Variants in LCLAT1 observed in about 807,000 individuals in gnomAD.
The protein encoded by LCLAT1 is 1-AGP acyltransferase 8.
In LCLAT1, 11 loss-of-function variants were observed where a neutral mutation model predicts 30.7. The ratio of observed to expected loss-of-function variants is 0.36; its 90% CI spans 0.23 to 0.59. The LOEUF is 0.59. Among genes scored for constraint, LCLAT1 ranks in the 20% least tolerant of loss-of-function variants. The pLI is 0.77. For missense variants in LCLAT1, 402 were observed against 458.6 expected, an observed-to-expected ratio of 0.88 and a Z score of 1.13; for synonymous variants, 155 against 151.3, an observed-to-expected ratio of 1.02 and a Z score of -0.18.
chr2:30,528,901 G>A (rs932829895), intron 2 of LCLAT1, among the ~76,000 whole-genome samples: 1 of 152,142 alleles, frequency 6.6e-6, no homozygotes, highest in Admixed American at 6.5e-5. Context: ...CAGAAAAATT[G>A]ATATTCTAGT....
chr2:30,543,898 A>C (rs958147889), intron 3 of LCLAT1, among the ~76,000 whole-genome samples: 3 of 151,624 alleles, frequency 2.0e-5, no homozygotes, highest in African/African-American at 7.3e-5. Flanking sequence ...ACTGATTTCT[A>C]TTCTTATCTT....
rs895045483 is a variant in LCLAT1, at chr2:30,540,633, G to C, written c.364+7319G>C. Among the ~76,000 whole-genome samples the C allele has an allele frequency of 6.6e-5, 10 of 151,564 alleles. No homozygotes were observed. The South Asian group carries it at 2.1e-3, about 32-fold the overall frequency. ...ACTTAGATAAAGAAGATATTTCAAT[G>C]TAGGTTTATATTTATTTTTCTTTCT... On this transcript the variant is annotated intron_variant, in intron 3 of 5. Coordinates refer to ENST00000379509, the MANE Select transcript of LCLAT1 (RefSeq NM_001002257.3).
intron 5 of LCLAT1, among the ~76,000 whole-genome samples, chr2:30,621,139 C>G (rs1668227751): frequency 6.6e-6 from 1 of 152,108 alleles, no homozygotes. Flanking sequence ...CTTATTTACC[C>G]CTCATGTATT....
chr2:30,624,964 T>C (rs939184238), intron 5 of LCLAT1, among the ~76,000 whole-genome samples: 1 of 152,144 alleles, frequency 6.6e-6, no homozygotes, highest in Non-Finnish European at 1.5e-5. Flanking sequence ...AAAGGAACCC[T>C]TAAAACCATG....
At chr2:30,470,276 T>C (rs926322359) in intron 1 of LCLAT1, among the ~76,000 whole-genome samples, 1 of 152,184 alleles carries the variant, frequency 6.6e-6, no homozygotes, top group Non-Finnish European at 1.5e-5. Context: ...ACAAGTCTTA[T>C]GACCACTGGC....
chr2:30,495,637 A>G (rs1352678455), intron 1 of LCLAT1, among the ~76,000 whole-genome samples: 1 of 152,126 alleles, frequency 6.6e-6, no homozygotes, highest in African/African-American at 2.4e-5. Context: ...GAGAACCACC[A>G]ATGGAGCCTC....
chr2:30,449,410 A>G (rs1036664655), intron 1 of LCLAT1, among the ~76,000 whole-genome samples: 4 of 152,124 alleles, frequency 2.6e-5, no homozygotes, highest in East Asian at 1.9e-4. Flanking sequence ...TGTGGTAACA[A>G]TTACATTTAC....
At chr2:30,553,688 G>A (rs1417084220) in intron 3 of LCLAT1, among the ~76,000 whole-genome samples, 2 of 151,974 alleles carry the variant, frequency 1.3e-5, no homozygotes, top group Non-Finnish European at 2.9e-5. Flanking sequence ...GGTGGTGGGC[G>A]CCTGTAGTCC....
intron 3 of LCLAT1, among the ~76,000 whole-genome samples, chr2:30,546,660 T>G (rs1157258415): frequency 6.6e-6 from 1 of 152,160 alleles, no homozygotes; most frequent in Non-Finnish European, 1.5e-5. Flanking sequence ...CACCTTAATT[T>G]TATTTACTAT....
At chr2:30,507,871 T>C (rs1280467060) in intron 1 of LCLAT1, among the ~76,000 whole-genome samples, 1 of 152,226 alleles carries the variant, frequency 6.6e-6, no homozygotes. Context: ...ATTGCCACAC[T>C]GTTTAACACA....
intron 3 of LCLAT1, among the ~76,000 whole-genome samples, chr2:30,542,622 T>G (rs1664195653): frequency 6.6e-6 from 1 of 152,158 alleles, no homozygotes; most frequent in Non-Finnish European, 1.5e-5. Flanking sequence ...GTTTGGTAAT[T>G]TCTTCAAAAA....
chr2:30,591,524 A>G (rs1425827378), intron 5 of LCLAT1, among the ~76,000 whole-genome samples: 1 of 152,184 alleles, frequency 6.6e-6, no homozygotes, highest in Non-Finnish European at 1.5e-5. Context: ...ACAAAGTAGT[A>G]TGTTTAATTT....
At chr2:30,493,071 C>T (rs1419431092) in intron 1 of LCLAT1, among the ~76,000 whole-genome samples, 1 of 152,098 alleles carries the variant, frequency 6.6e-6, no homozygotes, top group Non-Finnish European at 1.5e-5. Context: ...CACCTCCCTC[C>T]CAGGGGTGGT....
In LCLAT1 at chr2:30,631,658, T is replaced by C. The variant is rs561386375; in HGVS notation, c.629-8459T>C. Among the ~76,000 whole-genome samples, 54 of 152,348 alleles carry C rather than the reference T, an allele frequency of 3.5e-4. 2 individuals are homozygous for C. The South Asian group carries it at 0.01, about 29-fold the overall frequency. On this transcript the variant is annotated intron_variant, in intron 5 of 5. Transcript: ENST00000379509. ...ACTTTTCCTTTTATTTTTAATGCAT[T>C]ATGTGAAAAATATTCCTTGCAAATT...
chr2:30,468,097 G>C (rs192177396), intron 1 of LCLAT1, among the ~76,000 whole-genome samples: 6 of 152,072 alleles, frequency 3.9e-5, no homozygotes, highest in Admixed American at 6.6e-5. Flanking sequence ...TCTTTAATCC[G>C]TCTTGAATTA....
chr2:30,546,239 A>G (rs916218805), intron 3 of LCLAT1, among the ~76,000 whole-genome samples: 3 of 152,218 alleles, frequency 2.0e-5, no homozygotes, highest in African/African-American at 7.2e-5. Flanking sequence ...TTCACAGGAT[A>G]ATGGAAACTG....
chr2:30,535,505 A>G (rs1041151027), intron 3 of LCLAT1, among the ~76,000 whole-genome samples: 11 of 152,150 alleles, frequency 7.2e-5, no homozygotes, highest in African/African-American at 2.7e-4. Flanking sequence ...GCATCCACAA[A>G]CAGCTGCAGC....
At chr2:30,635,839 T>A (rs548234793) in intron 5 of LCLAT1, among the ~76,000 whole-genome samples, 34 of 152,350 alleles carry the variant, frequency 2.2e-4, no homozygotes, top group African/African-American at 7.7e-4. Flanking sequence ...ATAATTATCT[T>A]CTATATTTTT....
At chr2:30,583,773 A>G (rs749367640) in intron 5 of LCLAT1, among the ~76,000 whole-genome samples, 4 of 152,074 alleles carry the variant, frequency 2.6e-5, no homozygotes, top group East Asian at 1.9e-4. Flanking sequence ...TCAGGCTTCT[A>G]ATTATTGGTA....
Sources: allele counts gnomAD v4.1 joint callset (sites outside exome capture counted in the v4.1 genomes callset), GRCh38; gene constraint gnomAD v4.1.1; transcripts MANE v1.5; gene names NCBI Gene and HGNC (gene_info 2026-07-23, HGNC 2026-07-21).